The following POC1B variants were observed in gnomAD, a reference collection of about 807,000 sequenced individuals.
The protein encoded by POC1B is POC1 centriolar protein B.
A neutral mutation model predicts 60.6 loss-of-function variants in POC1B; 44 were observed. The observed-to-expected ratio is 0.73, with a 90% CI of 0.57 to 0.93. The LOEUF is 0.93. Ranked by LOEUF, POC1B falls within the 40% of genes least tolerant of loss-of-function variation. The probability of loss-of-function intolerance (pLI) is 0.00; values close to 1 mark genes in which losing one functional copy is unlikely to be tolerated. For missense variants in POC1B, 555 were observed against 572.3 expected (o/e 0.97, Z 0.31); for synonymous variants, 180 against 198.9 (o/e 0.90, Z 0.80).
chr12:89,501,695 G>T, intron 2 of POC1B: 1 of 983,012 alleles, frequency 1.0e-6, no homozygotes, highest in East Asian at 2.4e-5. Context: ...TCTAATTGGT[G>T]GGTGGTAAAA....
chr12:89,503,892 T>C (rs4842490), intron 2 of POC1B, among the ~76,000 whole-genome samples: 77,027 of 101,460 alleles, frequency 0.76, 29,562 homozygotes, highest in Middle Eastern at 0.87. Context: ...GCAGCCGCCC[T>C]GTCTGAGAAG....
At chr12:89,442,021 T>C (rs1759227174) in intron 10 of POC1B, among the ~76,000 whole-genome samples, 1 of 152,032 alleles carries the variant, frequency 6.6e-6, no homozygotes, top group African/African-American at 2.4e-5. Flanking sequence ...GTGATGAAGA[T>C]CAAATGAATG....
intron 10 of POC1B, among the ~76,000 whole-genome samples, chr12:89,438,070 A>T (rs1316611939): frequency 6.6e-6 from 1 of 151,754 alleles, no homozygotes; most frequent in Non-Finnish European, 1.5e-5. Context: ...AAAAAAATTA[A>T]AAAATCTATT....
Position 89,471,726 on chromosome 12 carries a change from A to C in POC1B, c.564T>G (p.Phe188Leu). Residue 188 changes from phenylalanine to leucine, a missense_variant, in exon 6 of 12, where the codon TTT (phenylalanine) becomes TTG (leucine). Phe to Leu is a conservative substitution (Grantham distance 22). Coordinates refer to ENST00000313546, the MANE Select transcript of POC1B (RefSeq NM_172240.3). ...CVNNFSDSVG[F>L]ANFVDFNPSG... ...TAGGGTTAAAGTCCACAAAATTTGC[A>C]AATCTAGGAGGAAAGAATAAGATGA... 6.4e-7 allele frequency: 1 copy of C among 1,566,300 alleles called. No homozygotes were observed. The highest frequency in any genetic ancestry group is 1.7e-4 in the Middle Eastern group (1 of 5,914).
the POC1B span, among the ~76,000 whole-genome samples, chr12:89,402,473 A>T: frequency 2.6e-5 from 4 of 152,048 alleles, no homozygotes; most frequent in African/African-American, 9.7e-5. Context: ...TTACCCAGGT[A>T]TTAAGCCCAG....
At chr12:89,479,029 A>C (rs1883220836) in intron 4 of POC1B, among the ~76,000 whole-genome samples, 1 of 152,236 alleles carries the variant, frequency 6.6e-6, no homozygotes, top group South Asian at 2.1e-4. Flanking sequence ...TCTCACCTAC[A>C]TACATGTATT....
chr12:89,474,142 G>A (rs550099541), intron 4 of POC1B, among the ~76,000 whole-genome samples: 1 of 151,926 alleles, frequency 6.6e-6, no homozygotes, highest in East Asian at 1.9e-4. Flanking sequence ...GGAGGCAGAG[G>A]TTGCAGTGAG....
At chr12:89,444,078 C>T (rs537022354) in intron 10 of POC1B, among the ~76,000 whole-genome samples, 1 of 152,250 alleles carries the variant, frequency 6.6e-6, no homozygotes, top group South Asian at 2.1e-4. Context: ...CCTGAATAGA[C>T]CAATAACAGG....
the POC1B span, among the ~76,000 whole-genome samples, chr12:89,408,395 A>G: frequency 6.6e-6 from 1 of 151,914 alleles, no homozygotes; most frequent in African/African-American, 2.4e-5. Context: ...GTCTTCCACA[A>G]TGGCTGAACT....
intron 10 of POC1B, among the ~76,000 whole-genome samples, chr12:89,446,893 C>T (rs895900838): frequency 4.0e-5 from 6 of 151,846 alleles, no homozygotes; most frequent in African/African-American, 1.2e-4. Flanking sequence ...CCACTGTTGC[C>T]GGGAGAAGTG....
chr12:89,410,952 C>A, the POC1B span, among the ~76,000 whole-genome samples: 1 of 152,140 alleles, frequency 6.6e-6, no homozygotes, highest in Admixed American at 6.5e-5. Context: ...GTGCAAAAAT[C>A]ACAAGCATTC....
chr12:89,450,749 T>G (rs370357989), intron 10 of POC1B, among the ~76,000 whole-genome samples: 1 of 152,284 alleles, frequency 6.6e-6, no homozygotes, highest in African/African-American at 2.4e-5. Context: ...TTTAAAGGTT[T>G]TTGTCATGTT....
intron 10 of POC1B, among the ~76,000 whole-genome samples, chr12:89,441,072 C>G (rs902443587): frequency 2.0e-5 from 3 of 152,188 alleles, no homozygotes; most frequent in Non-Finnish European, 4.4e-5. Context: ...GGGGGAGGGG[C>G]GTCTGCCATT....
At chr12:89,501,059 C>A in intron 2 of POC1B, 1 of 1,086,774 alleles carries the variant, frequency 9.2e-7, no homozygotes, top group Non-Finnish European at 1.4e-6. Context: ...CTTGGGATTA[C>A]TATACCAAGA....
At chr12:89,411,093 A>G in the POC1B span, among the ~76,000 whole-genome samples, 1 of 152,222 alleles carries the variant, frequency 6.6e-6, no homozygotes, top group Non-Finnish European at 1.5e-5. Context: ...AAGGAGAACA[A>G]CAAACCACTG....
At chr12:89,410,358 G>A in the POC1B span, among the ~76,000 whole-genome samples, 1 of 152,012 alleles carries the variant, frequency 6.6e-6, no homozygotes, top group Non-Finnish European at 1.5e-5. Flanking sequence ...CATACCAAAC[G>A]GGCAAAAGCT....
At chr12:89,455,442 A>G (rs1035855585) in intron 10 of POC1B, among the ~76,000 whole-genome samples, 1 of 152,232 alleles carries the variant, frequency 6.6e-6, no homozygotes, top group Non-Finnish European at 1.5e-5. Flanking sequence ...ATACTGCCCA[A>G]TAACAATCTT....
chr12:89,516,318 C>T (rs1049845060), intron 2 of POC1B, among the ~76,000 whole-genome samples: 21 of 152,194 alleles, frequency 1.4e-4, no homozygotes, highest in African/African-American at 4.8e-4. Context: ...TATTTGTTCT[C>T]ATTGCTCTAC....
chr12:89,421,931 A>G (rs1008315537), intron 11 of POC1B, among the ~76,000 whole-genome samples: 1 of 152,204 alleles, frequency 6.6e-6, no homozygotes, highest in African/African-American at 2.4e-5. Flanking sequence ...TACATATACA[A>G]ACACATATAC....
Sources: allele counts gnomAD v4.1 joint callset (sites outside exome capture counted in the v4.1 genomes callset), GRCh38; gene constraint gnomAD v4.1.1; transcripts MANE v1.5; gene names NCBI Gene and HGNC (gene_info 2026-07-23, HGNC 2026-07-21).